Variants in AFDN observed in about 807,000 individuals in gnomAD.
AFDN encodes afadin.
In AFDN, 68 loss-of-function variants were observed where a neutral mutation model predicts 216.6. The ratio of observed to expected loss-of-function variants is 0.31; its 90% confidence interval spans 0.26 to 0.38. The LOEUF (loss-of-function observed/expected upper bound fraction) is 0.38. Among genes scored for constraint, AFDN ranks in the 10% least tolerant of loss-of-function variants. The pLI is 1.00. For missense variants in AFDN, 2,136 were observed against 2,342.0 expected (o/e 0.91, Z 1.82); for synonymous variants, 868 against 853.7 (o/e 1.02, Z -0.29).
At chr6:167,889,163 GTTAAC>G (rs1349398096) in intron 6 of AFDN, 47 bp from the exon 7 acceptor site, 12 of 1,222,300 alleles carry the variant, frequency 9.8e-6, no homozygotes, top group Admixed American at 5.2e-5. Context: ...TTAAGTACTT[GTTAAC>G]TTAGTTACTT....
intron 7 of AFDN, among the ~76,000 whole-genome samples, 165 bp from the exon 8 acceptor site, chr6:167,890,697 T>A (rs1247355132): frequency 9.9e-5 from 15 of 152,166 alleles, no homozygotes; most frequent in Admixed American, 9.8e-4. Flanking sequence ...ATTTCCTCTG[T>A]TGAGTGAAAG....
At position 167,962,858 on chromosome 6, in the gene AFDN, G is replaced by C; in HGVS notation, c.4968+291G>C. The C allele has an allele frequency of 8.1e-7, 1 of 1,232,932 alleles. No homozygotes were observed. The highest frequency in any genetic ancestry group is 1.0e-6 in the Non-Finnish European group (1 of 979,148). The allele number at this position is 1,232,932 out of a possible 1,614,324, so 76.4% of individuals were successfully genotyped here. A position where few individuals can be genotyped will look rare whatever the true frequency, so the allele number is the denominator to read the frequency against. On this transcript the variant is annotated intron_variant, in intron 31 of 33. Transcript: ENST00000683244. The surrounding 1 kb of genome is among the most constrained non-coding windows in gnomAD (Gnocchi z 5.2). ...CTCTTTGCAAAGGGTTCGTTTCCTC[G>C]GGCACTCATCTTTACTGAACATGGC...
intron 1 of AFDN, among the ~76,000 whole-genome samples, chr6:167,858,061 G>A (rs1171972989): frequency 1.3e-5 from 2 of 152,138 alleles, no homozygotes; most frequent in Admixed American, 1.3e-4. Flanking sequence ...GTCTGTGTGG[G>A]TAGTTATTTA....
intron 12 of AFDN, among the ~76,000 whole-genome samples, chr6:167,904,805 C>T (rs1211865408): frequency 6.6e-6 from 1 of 152,134 alleles, no homozygotes; most frequent in Non-Finnish European, 1.5e-5. Flanking sequence ...GCCCCAAGAG[C>T]AGCCTCTTCC....
chr6:167,893,085 C>T (rs1331086509), intron 8 of AFDN, among the ~76,000 whole-genome samples: 1 of 152,190 alleles, frequency 6.6e-6, no homozygotes, highest in African/African-American at 2.4e-5. Flanking sequence ...CTCCTGAGCC[C>T]TGTGCCTGTG....
At position 167,962,508 on chromosome 6, in the gene AFDN, C is replaced by G. The variant is rs747533998; in HGVS notation, c.4909C>G (p.Gln1637Glu). 4.3e-5 allele frequency: 70 copies of G among 1,613,766 alleles called. 1 individual carries two copies. In the South Asian group the frequency reaches 6.9e-4, roughly 16 times the overall value. The change falls in exon 31 of 34, where the codon CAA (glutamine) becomes GAA (glutamate). Residue 1637 changes from glutamine (Q) to glutamate (E), a missense_variant. Transcript: ENST00000683244. This position sits in a 1 kb window ranked among gnomAD's most constrained non-coding sequence, Gnocchi z 5.2. ...GCGGGAAGCGGAAGACCGAGCGAGG[C>G]AAGAGGAAGAGCGCCGGCGGCAGGA... ...RKREAEDRARQEEERRRQEEE... is the reference protein window; with the variant it reads ...RKREAEDRAREEEERRRQEEE...
chr6:167,887,443 C>A (rs978446642), intron 6 of AFDN, among the ~76,000 whole-genome samples: 1 of 126,092 alleles, frequency 7.9e-6, no homozygotes, highest in Non-Finnish European at 1.7e-5. Flanking sequence ...CTCAGCTTGC[C>A]TTTTTTTTTT....
chr6:167,912,507 G>A (rs185081130), intron 15 of AFDN, among the ~76,000 whole-genome samples: 60 of 152,288 alleles, frequency 3.9e-4, no homozygotes, highest in African/African-American at 1.3e-3. Context: ...GAGTTTGATA[G>A]GGTTATGCTT....
intron 21 of AFDN, among the ~76,000 whole-genome samples, chr6:167,922,456 G>A (rs3778659): frequency 0.29 from 44,694 of 151,986 alleles, 7,509 homozygotes; most frequent in East Asian, 0.6. Context: ...CCCCATGCTC[G>A]TATTGTTTTC....
chr6:167,890,679 A>C (rs1261130724), intron 7 of AFDN, among the ~76,000 whole-genome samples, 183 bp from the exon 8 acceptor site: 1 of 152,008 alleles, frequency 6.6e-6, no homozygotes, highest in Admixed American at 6.6e-5. Context: ...ACACACCAAG[A>C]GGCTAATATT....
chr6:167,913,310 A>G (rs1445071284), intron 15 of AFDN, 93 bp from the exon 16 acceptor site: 28 of 1,203,978 alleles, frequency 2.3e-5, no homozygotes, highest in Non-Finnish European at 3.1e-5. Flanking sequence ...TCGTACCTTC[A>G]TATTAGTGTT....
At chr6:167,929,659 A>G (rs1370586971) in intron 23 of AFDN, among the ~76,000 whole-genome samples, 1 of 152,220 alleles carries the variant, frequency 6.6e-6, no homozygotes, top group Non-Finnish European at 1.5e-5. Context: ...TCTCCCATGC[A>G]TGGCTTTGCT....
In AFDN at chr6:167,910,894, C is replaced by CT. The variant is rs371814518; in HGVS notation, c.1770-206dup. 3.3e-3 allele frequency among the ~76,000 whole-genome samples: 495 copies of CT among 152,292 alleles called. 3 individuals carry two copies. The highest frequency in any genetic ancestry group is 0.011 in the African/African-American group (453 of 41,562). ...TGGCGGCGGCATATACTTCAAGGAA[C>CT]TAACCTTCTTAGAGGAGTCGTGATA... On this transcript the variant is annotated intron_variant, in intron 13 of 33. Coordinates refer to ENST00000683244, the MANE Select transcript of AFDN (RefSeq NM_001386888.1).
intron 21 of AFDN, 78 bp from the exon 22 acceptor site, chr6:167,922,778 C>T: frequency 2.2e-6 from 2 of 906,050 alleles, no homozygotes; most frequent in Non-Finnish European, 3.6e-6. Context: ...GGATATTAAG[C>T]AATTGGTAAT....
Position 167,913,512 on chromosome 6 carries a change from T to G in AFDN, c.2058+89T>G, listed in dbSNP as rs73788650. The G allele has an allele frequency of 1.8e-3, 2,240 of 1,235,162 alleles. 40 individuals carry two copies. The African/African-American group carries it at 0.03, about 16-fold the overall frequency. 76.5% of individuals were successfully genotyped at this position (1,235,162 alleles called of 1,614,324 possible). A position where few individuals can be genotyped will look rare whatever the true frequency, so the allele number is the denominator to read the frequency against. On this transcript the variant is annotated intron_variant, in intron 16 of 33. Coordinates refer to ENST00000683244, the MANE Select transcript of AFDN (RefSeq NM_001386888.1). ...CATGTCAAATAAGTAATACAACAGC[T>G]GGACTGAACAGCTCATAACACTCAT... is the stretch of plus-strand genomic sequence containing the variant.
At chr6:167,884,202 CTCATCT>C (rs1277643113) in intron 6 of AFDN, among the ~76,000 whole-genome samples, 6 of 152,200 alleles carry the variant, frequency 3.9e-5, no homozygotes, top group Non-Finnish European at 7.3e-5. Flanking sequence ...CTGTTTTCAC[CTCATCT>C]TCATGTACTT....
At chr6:167,947,382 T>C (rs940773643) in intron 27 of AFDN, among the ~76,000 whole-genome samples, 4 of 152,140 alleles carry the variant, frequency 2.6e-5, no homozygotes, top group African/African-American at 7.2e-5. Context: ...GGTTTCACCA[T>C]GTTAGCCAGG....
intron 4 of AFDN, among the ~76,000 whole-genome samples, chr6:167,874,208 G>A (rs1251297983): frequency 6.6e-6 from 1 of 152,096 alleles, no homozygotes; most frequent in Non-Finnish European, 1.5e-5. Context: ...TGTGCCACTG[G>A]ACTACATAGC....
intron 30 of AFDN, chr6:167,952,489 A>G (rs1219550479): frequency 1.0e-6 from 1 of 985,336 alleles, no homozygotes; most frequent in Admixed American, 6.1e-5. Flanking sequence ...TGAGAAAACA[A>G]GTATTTGTTA....
Sources: gnomAD v4.1 joint callset for allele counts (sites outside exome capture counted in the v4.1 genomes callset) on GRCh38, gnomAD v4.1.1 for gene constraint, Gnocchi (gnomAD v3.1) non-coding constraint, MANE v1.5 for transcripts, NCBI Gene and HGNC (gene_info 2026-07-23, HGNC 2026-07-21) for gene names.